MACROD2: variants seen among roughly 807,000 people sequenced by gnomAD.
The protein encoded by MACROD2 is mono-ADP ribosylhydrolase 2.
In MACROD2, 36 loss-of-function variants were observed where a neutral mutation model predicts 70.4. That is an observed-to-expected ratio of 0.51 (90% CI 0.39 to 0.68). The LOEUF (loss-of-function observed/expected upper bound fraction) is 0.68, where lower values mean the gene tolerates loss of function less well. Ranked by LOEUF, MACROD2 falls within the 30% of genes least tolerant of loss-of-function variation. The probability of loss-of-function intolerance (pLI) is 0.00; values close to 1 mark genes in which losing one functional copy is unlikely to be tolerated. For missense variants in MACROD2, 496 were observed against 538.4 expected (o/e 0.92, Z 0.78); for synonymous variants, 172 against 178.8 (o/e 0.96, Z 0.30).
intron 3 of MACROD2, among the ~76,000 whole-genome samples, chr20:14,248,606 TA>T (rs1242406640): frequency 6.6e-6 from 1 of 151,796 alleles, no homozygotes; most frequent in East Asian, 1.9e-4. Flanking sequence ...TAATAATAAA[TA>T]AAATATTGTG....
At chr20:15,105,800 T>A (rs1031987579) in intron 5 of MACROD2, among the ~76,000 whole-genome samples, 1 of 152,086 alleles carries the variant, frequency 6.6e-6, no homozygotes. Flanking sequence ...TACTCACAAA[T>A]ATTTTATTAG....
At chr20:14,918,608 GTTTTTTTTGT>G (rs1035149126) in intron 5 of MACROD2, among the ~76,000 whole-genome samples, 3 of 135,630 alleles carry the variant, frequency 2.2e-5, no homozygotes, top group African/African-American at 8.7e-5. Flanking sequence ...GTGACACTGT[GTTTTTTTTGT>G]TTTTTTTTTT....
intron 6 of MACROD2, among the ~76,000 whole-genome samples, chr20:15,273,915 G>T (rs532189320): frequency 2.0e-5 from 3 of 152,284 alleles, no homozygotes; most frequent in African/African-American, 7.2e-5. Context: ...TGGCCAGGTT[G>T]TCAGGATTGA....
Position 16,035,584 on chromosome 20 carries a change from A to G in MACROD2, c.1154-5617A>G, listed in dbSNP as rs1244310760. Among the ~76,000 whole-genome samples, 3 of 152,176 alleles carry G rather than the reference A, an allele frequency of 2.0e-5. No homozygotes were observed. In the South Asian group the frequency reaches 6.2e-4, roughly 32 times the overall value. On this transcript the variant is annotated intron_variant, in intron 15 of 17. Transcript: ENST00000684519. ...TCAAGATTTCATAGCTATAATTTCT[A>G]TGGGACAAAATTAAGAAAAATTTAG... is the stretch of plus-strand genomic sequence containing the variant.
intron 8 of MACROD2, among the ~76,000 whole-genome samples, chr20:15,602,708 T>C (rs2048838926): frequency 1.3e-5 from 2 of 152,148 alleles, no homozygotes; most frequent in South Asian, 4.1e-4. Context: ...ATGAGTTTGG[T>C]AAGAGAAGAG....
At chr20:15,080,687 C>G (rs1000555328) in intron 5 of MACROD2, among the ~76,000 whole-genome samples, 1 of 152,104 alleles carries the variant, frequency 6.6e-6, no homozygotes, top group African/African-American at 2.4e-5. Flanking sequence ...CTCATTCATG[C>G]ACTTGTCTGT....
At chr20:15,816,124 T>C (rs764547978) in intron 8 of MACROD2, among the ~76,000 whole-genome samples, 3 of 152,120 alleles carry the variant, frequency 2.0e-5, no homozygotes, top group Non-Finnish European at 2.9e-5. Flanking sequence ...TATATGATCC[T>C]ATTTGGCCTG....
chr20:14,974,300 T>A, intron 5 of MACROD2, among the ~76,000 whole-genome samples: 1 of 152,266 alleles, frequency 6.6e-6, no homozygotes, highest in Non-Finnish European at 1.5e-5. Flanking sequence ...AGGGCACCGA[T>A]GTTCAAACTA....
Position 15,334,953 on chromosome 20 carries a change from C to T in MACROD2, c.541-96452C>T, listed in dbSNP as rs76789102. ...ACGTGAAGTTCAGAGAGACAGTGGA[C>T]GCCAGAGTGTCTTTAACCATATTCT... On this transcript the variant is annotated intron_variant, in intron 6 of 17. Transcript: ENST00000684519. 7.9e-5 allele frequency among the ~76,000 whole-genome samples: 12 copies of T among 151,830 alleles called. No individual in the cohort carries two copies. In the East Asian group the frequency reaches 1.9e-3, roughly 24 times the overall value.
chr20:15,678,440 A>G (rs1181341390), intron 8 of MACROD2, among the ~76,000 whole-genome samples: 1 of 151,818 alleles, frequency 6.6e-6, no homozygotes, highest in Non-Finnish European at 1.5e-5. Context: ...GCTCACTGCA[A>G]GCTCTGCCTC....
At chr20:14,425,115 A>G (rs1163821833) in intron 3 of MACROD2, among the ~76,000 whole-genome samples, 1 of 152,166 alleles carries the variant, frequency 6.6e-6, no homozygotes, top group Non-Finnish European at 1.5e-5. Flanking sequence ...CAGTATTTCA[A>G]CGCCCTCTTT....
Position 14,185,827 on chromosome 20 carries a change from T to G in MACROD2, c.271+100099T>G, listed in dbSNP as rs143641068. Among the ~76,000 whole-genome samples the G allele has an allele frequency of 7.7e-3, 1,175 of 152,264 alleles. 8 individuals carry two copies. Among genetic ancestry groups the G allele is most frequent in the Non-Finnish European group, 0.013 (895 of 68,002 alleles). ...TGCCACACAGGGCTTTTATGAAGAT[T>G]AAATGAGAAAATGTATAAAAACCAC... On this transcript the variant is annotated intron_variant, in intron 3 of 17. Coordinates refer to ENST00000684519, the MANE Select transcript of MACROD2 (RefSeq NM_001351661.2).
intron 6 of MACROD2, among the ~76,000 whole-genome samples, chr20:15,288,883 A>ATCTC (rs1419948352): frequency 6.6e-6 from 1 of 151,318 alleles, no homozygotes; most frequent in African/African-American, 2.4e-5. Context: ...CTATCTATCT[A>ATCTC]TCTATCTATC....
intron 3 of MACROD2, among the ~76,000 whole-genome samples, chr20:14,241,288 C>G (rs1426538015): frequency 6.6e-6 from 1 of 152,036 alleles, no homozygotes; most frequent in Non-Finnish European, 1.5e-5. Flanking sequence ...TATATCTCAG[C>G]CAAAAATAAA....
intron 6 of MACROD2, among the ~76,000 whole-genome samples, chr20:15,312,923 G>T (rs779657445): frequency 6.6e-6 from 1 of 152,062 alleles, no homozygotes; most frequent in Non-Finnish European, 1.5e-5. Context: ...ATTTATTCAA[G>T]ATATTAATTT....
At chr20:14,207,197 A>C (rs994934610) in intron 3 of MACROD2, among the ~76,000 whole-genome samples, 16 of 152,040 alleles carry the variant, frequency 1.1e-4, no homozygotes, top group African/African-American at 3.9e-4. Context: ...TCCCAGGTTC[A>C]AGCGATTCTC....
At position 15,203,997 on chromosome 20, in the gene MACROD2, CA is replaced by C. The variant is rs1282305480; in HGVS notation, c.419-25939del. Reference sequence around the variant, plus strand: ...ATAAAATATTGTGCTTTGGGAAAGTCAAAATTGGGAATGGATTTAATGTCTG... The same window carrying C: ...ATAAAATATTGTGCTTTGGGAAAGTCAAATTGGGAATGGATTTAATGTCTG... On this transcript the variant is annotated intron_variant, in intron 5 of 17. Coordinates refer to ENST00000684519, the MANE Select transcript of MACROD2 (RefSeq NM_001351661.2). Among the ~76,000 whole-genome samples the C allele has an allele frequency of 5.3e-5, 8 of 151,942 alleles. No homozygotes were observed. The East Asian group carries it at 1.5e-3, about 29-fold the overall frequency.
At chr20:15,393,287 A>T (rs1361385571) in intron 6 of MACROD2, among the ~76,000 whole-genome samples, 1 of 152,172 alleles carries the variant, frequency 6.6e-6, no homozygotes, top group Non-Finnish European at 1.5e-5. Flanking sequence ...ATTGGAAGGG[A>T]ACAGATGGGG....
intron 6 of MACROD2, among the ~76,000 whole-genome samples, chr20:15,377,745 T>C (rs1016501981): frequency 1.3e-5 from 2 of 152,240 alleles, no homozygotes; most frequent in Non-Finnish European, 2.9e-5. Flanking sequence ...TGGGAACGAA[T>C]GCCTTTGCAA....
Sources: gnomAD v4.1 joint callset for allele counts (sites outside exome capture counted in the v4.1 genomes callset) on GRCh38, gnomAD v4.1.1 for gene constraint, MANE v1.5 for transcripts, NCBI Gene and HGNC (gene_info 2026-07-23, HGNC 2026-07-21) for gene names.